The following CDH12 variants were observed in gnomAD, a reference collection of about 807,000 sequenced individuals.
CDH12 encodes cadherin 12.
A neutral mutation model predicts 74.1 loss-of-function variants in CDH12; 41 were observed. That is an observed-to-expected ratio of 0.55 (90% CI 0.43 to 0.72). The LOEUF is 0.72. CDH12 is among the 30% of genes least tolerant of loss of function. The probability of loss-of-function intolerance (pLI) is 0.00; values close to 1 mark genes in which losing one functional copy is unlikely to be tolerated. For missense variants in CDH12, 945 were observed against 977.2 expected, an observed-to-expected ratio of 0.97 and a Z score of 0.44; for synonymous variants, 399 against 355.0, an observed-to-expected ratio of 1.12 and a Z score of -1.39.
chr5:22,435,856 T>A (rs1340413445), intron 2 of CDH12, among the ~76,000 whole-genome samples: 3 of 151,926 alleles, frequency 2.0e-5, no homozygotes, highest in African/African-American at 7.3e-5. Context: ...AGGAGCTGAC[T>A]TAGCCCAAGA....
chr5:22,064,902 C>T (rs139841347), intron 5 of CDH12, among the ~76,000 whole-genome samples: 1 of 152,014 alleles, frequency 6.6e-6, no homozygotes, highest in Non-Finnish European at 1.5e-5. Context: ...GGCTGAAATA[C>T]AAGAAAAATT....
At chr5:22,735,513 A>G (rs1379102402) in intron 1 of CDH12, among the ~76,000 whole-genome samples, 2 of 151,946 alleles carry the variant, frequency 1.3e-5, no homozygotes, top group African/African-American at 4.8e-5. Flanking sequence ...GCCATGGTAT[A>G]TTATAATTAA....
intron 10 of CDH12, among the ~76,000 whole-genome samples, chr5:21,784,721 T>C (rs969950621): frequency 6.6e-6 from 1 of 152,164 alleles, no homozygotes; most frequent in Non-Finnish European, 1.5e-5. Context: ...CCAAAGAAAG[T>C]GTTCATTGTG....
At chr5:22,667,304 C>A (rs1580868286) in intron 1 of CDH12, among the ~76,000 whole-genome samples, 1 of 152,250 alleles carries the variant, frequency 6.6e-6, no homozygotes, top group Middle Eastern at 3.4e-3. Flanking sequence ...GTTGTCCCGT[C>A]ATTTCCTCAG....
At chr5:21,904,436 A>AAGCT (rs1390429819) in intron 6 of CDH12, among the ~76,000 whole-genome samples, 4 of 152,122 alleles carry the variant, frequency 2.6e-5, no homozygotes, top group Admixed American at 6.6e-5. Context: ...AACCAGACTG[A>AAGCT]AGCTAGTTAG....
At chr5:22,448,789 ACTT>A (rs1226307944) in intron 2 of CDH12, among the ~76,000 whole-genome samples, 9 of 152,028 alleles carry the variant, frequency 5.9e-5, no homozygotes, top group African/African-American at 2.2e-4. Flanking sequence ...TTTTCTAGAT[ACTT>A]CTTCTGGTAT....
chr5:22,827,498 C>A (rs1736397203), intron 1 of CDH12, among the ~76,000 whole-genome samples: 3 of 151,976 alleles, frequency 2.0e-5, no homozygotes, highest in Admixed American at 2.0e-4. Flanking sequence ...GGGTGGGAGC[C>A]CCCACAAAGA....
intron 1 of CDH12, among the ~76,000 whole-genome samples, chr5:22,680,756 T>A (rs998739210): frequency 1.3e-5 from 2 of 152,096 alleles, no homozygotes; most frequent in African/African-American, 2.4e-5. Flanking sequence ...TAACTGTTCA[T>A]CTATATCTTA....
intron 4 of CDH12, among the ~76,000 whole-genome samples, chr5:22,089,949 T>C (rs1216833087): frequency 6.6e-6 from 1 of 151,870 alleles, no homozygotes; most frequent in African/African-American, 2.4e-5. Flanking sequence ...AGTGCCTACA[T>C]TTAAAAATTC....
intron 3 of CDH12, among the ~76,000 whole-genome samples, chr5:22,277,536 TA>T (rs199922362): frequency 3.3e-5 from 5 of 150,942 alleles, no homozygotes; most frequent in Non-Finnish European, 5.9e-5. Flanking sequence ...ATGTTCTGAT[TA>T]AAAAAAAACA....
At chr5:22,452,737 T>C (rs1745093664) in intron 2 of CDH12, among the ~76,000 whole-genome samples, 1 of 150,948 alleles carries the variant, frequency 6.6e-6, no homozygotes, top group Non-Finnish European at 1.5e-5. Context: ...TATATCAAAC[T>C]AAAAACCTTC....
intron 1 of CDH12, among the ~76,000 whole-genome samples, chr5:22,518,621 T>C (rs1263157885): frequency 6.6e-6 from 1 of 152,236 alleles, no homozygotes; most frequent in African/African-American, 2.4e-5. Flanking sequence ...CTTTCAACCA[T>C]GCCTTTTCTT....
chr5:22,483,770 A>ATATAT (rs1400461763), intron 2 of CDH12, among the ~76,000 whole-genome samples: 56 of 100,960 alleles, frequency 5.5e-4, no homozygotes, highest in East Asian at 1.1e-3. Context: ...ATATAAATTT[A>ATATAT]ATTAATTGGG....
intron 1 of CDH12, among the ~76,000 whole-genome samples, chr5:22,807,559 C>G (rs1748880561): frequency 2.6e-5 from 4 of 152,134 alleles, no homozygotes. Flanking sequence ...ATTTCATCAT[C>G]ATGGAAATAT....
At chr5:22,709,864 C>A (rs1459695695) in intron 1 of CDH12, among the ~76,000 whole-genome samples, 3 of 152,146 alleles carry the variant, frequency 2.0e-5, no homozygotes, top group Non-Finnish European at 2.9e-5. Context: ...TCTTTTCCTT[C>A]TAGACAGCCA....
chr5:22,732,308 C>T (rs2127005107), intron 1 of CDH12, among the ~76,000 whole-genome samples: 1 of 151,966 alleles, frequency 6.6e-6, no homozygotes, highest in South Asian at 2.1e-4. Context: ...TTATGGTCCA[C>T]TCTAATGACC....
At chr5:22,644,132 T>C (rs776859601) in intron 1 of CDH12, among the ~76,000 whole-genome samples, 2 of 152,008 alleles carry the variant, frequency 1.3e-5, no homozygotes, top group Middle Eastern at 3.2e-3. Flanking sequence ...TAACAACCCT[T>C]AAATGGCCTT....
chr5:22,514,613 C>T (rs1015479854), intron 1 of CDH12, among the ~76,000 whole-genome samples: 7 of 152,126 alleles, frequency 4.6e-5, no homozygotes, highest in Admixed American at 1.3e-4. Flanking sequence ...GGATGTATGG[C>T]CTGGCAGGCT....
intron 6 of CDH12, among the ~76,000 whole-genome samples, chr5:21,855,315 A>T (rs1046604659): frequency 3.3e-5 from 5 of 151,740 alleles, no homozygotes; most frequent in Admixed American, 1.3e-4. Flanking sequence ...CAAAATAGTT[A>T]TAAGAGCACT....
Sources: gnomAD v4.1 joint callset for allele counts (sites outside exome capture counted in the v4.1 genomes callset) on GRCh38, gnomAD v4.1.1 for gene constraint, MANE v1.5 for transcripts, NCBI Gene and HGNC (gene_info 2026-07-23, HGNC 2026-07-21) for gene names.